Variants in RAD51B observed in about 807,000 individuals in gnomAD.
RAD51B encodes the protein RAD51 paralog B.
Under a neutral mutation model 42.2 loss-of-function variants are expected in RAD51B, and 38 were observed. The ratio of observed to expected loss-of-function variants is 0.90; its 90% CI spans 0.70 to 1.18. The LOEUF is 1.18. Ranked by LOEUF, RAD51B falls within the 50% of genes most tolerant of loss-of-function variation. The pLI, the probability that RAD51B is intolerant of heterozygous loss-of-function variation, is 0.00. For missense variants in RAD51B, 373 were observed against 400.7 expected (o/e 0.93, Z 0.59); for synonymous variants, 154 against 145.2 (o/e 1.06, Z -0.43).
chr14:68,562,615 G>T (rs1889212191), intron 10 of RAD51B: 1 of 985,312 alleles, frequency 1.0e-6, no homozygotes, highest in South Asian at 4.7e-5. Context: ...ATTATTGTTA[G>T]TTCTCTGTTC....
chr14:68,158,292 C>T (rs1410081104), intron 7 of RAD51B, among the ~76,000 whole-genome samples: 1 of 152,184 alleles, frequency 6.6e-6, no homozygotes, highest in Non-Finnish European at 1.5e-5. Flanking sequence ...ATCATCCATG[C>T]CTGTGGCACT....
rs772651147 is a variant in RAD51B at position 67,887,219 on chromosome 14, T to C, written c.756+15T>C. 6.4e-7 allele frequency: 1 copy of C among 1,563,896 alleles called. No individual in the cohort carries two copies. Among genetic ancestry groups the C allele is most frequent in the South Asian group, 1.2e-5 (1 of 86,368 alleles). On this transcript the variant is annotated intron_variant, in intron 7 of 10. Coordinates refer to ENST00000471583, the MANE Select transcript of RAD51B (RefSeq NM_133510.4). ...TTTCAATCCCAGTAAGTTTTTCTTT[T>C]TTTCTCTTTTTTCTTTTCCTTTCTT...
intron 9 of RAD51B, among the ~76,000 whole-genome samples, chr14:68,437,738 G>A (rs749587336): frequency 5.9e-5 from 9 of 152,172 alleles, no homozygotes; most frequent in Non-Finnish European, 1.2e-4. Flanking sequence ...ATAGAGGGAA[G>A]CATACAGGCA....
At chr14:68,584,462 C>T (rs1890359995) in intron 10 of RAD51B, among the ~76,000 whole-genome samples, 1 of 149,668 alleles carries the variant, frequency 6.7e-6, no homozygotes, top group South Asian at 2.1e-4. Flanking sequence ...CTTTGCTTCT[C>T]TCTAACGCTC....
intron 8 of RAD51B, among the ~76,000 whole-genome samples, chr14:68,299,542 A>G (rs2139684753): frequency 6.6e-6 from 1 of 152,310 alleles, no homozygotes; most frequent in East Asian, 1.9e-4. Context: ...ATACAGTGCC[A>G]TTTTATATAA....
chr14:67,930,395 G>A (rs372461519), intron 7 of RAD51B, among the ~76,000 whole-genome samples: 122 of 151,968 alleles, frequency 8.0e-4, no homozygotes, highest in African/African-American at 2.8e-3. Flanking sequence ...TAGTGGTGAT[G>A]AATTTCATCT....
At chr14:67,942,852 TGTC>T (rs2045256327) in intron 7 of RAD51B, among the ~76,000 whole-genome samples, 1 of 152,212 alleles carries the variant, frequency 6.6e-6, no homozygotes, top group Non-Finnish European at 1.5e-5. Context: ...TCTTTTTAAA[TGTC>T]AGCAGTAGTA....
chr14:68,670,980 T>C (rs148532787), intron 11 of RAD51B, among the ~76,000 whole-genome samples: 1 of 152,236 alleles, frequency 6.6e-6, no homozygotes, highest in African/African-American at 2.4e-5. Flanking sequence ...GATGACCAGA[T>C]TGCACCCTGA....
At chr14:67,876,212 T>C (rs2042722023) in intron 5 of RAD51B, among the ~76,000 whole-genome samples, 1 of 152,236 alleles carries the variant, frequency 6.6e-6, no homozygotes, top group African/African-American at 2.4e-5. Flanking sequence ...AACAGAGATA[T>C]AGTACGTATG....
intron 8 of RAD51B, among the ~76,000 whole-genome samples, chr14:68,377,576 C>A (rs1326246324): frequency 1.3e-5 from 2 of 152,226 alleles, no homozygotes; most frequent in African/African-American, 4.8e-5. Context: ...ATCAGCCACA[C>A]CCACATCACT....
At chr14:68,580,990 GT>G (rs565993944) in intron 10 of RAD51B, among the ~76,000 whole-genome samples, 36 of 152,218 alleles carry the variant, frequency 2.4e-4, no homozygotes, top group Admixed American at 6.5e-4. Flanking sequence ...GTGAGATTCA[GT>G]TTTTTTCATA....
intron 7 of RAD51B, among the ~76,000 whole-genome samples, chr14:68,222,018 T>A (rs545198419): frequency 1.3e-5 from 2 of 152,092 alleles, no homozygotes; most frequent in African/African-American, 4.8e-5. Flanking sequence ...AGAATGGCCA[T>A]AATCAAAACA....
At chr14:68,557,543 A>G (rs2140009855) in intron 10 of RAD51B, among the ~76,000 whole-genome samples, 1 of 152,366 alleles carries the variant, frequency 6.6e-6, no homozygotes, top group Middle Eastern at 3.4e-3. Context: ...CCTTTAATCC[A>G]CATAGACTTA....
intron 7 of RAD51B, among the ~76,000 whole-genome samples, chr14:68,039,748 A>G (rs1324133962): frequency 6.6e-6 from 1 of 152,194 alleles, no homozygotes; most frequent in Admixed American, 6.5e-5. Context: ...AAACTGTACT[A>G]CTCATAATAT....
At chr14:68,134,258 G>C (rs1798178312) in intron 7 of RAD51B, among the ~76,000 whole-genome samples, 1 of 152,092 alleles carries the variant, frequency 6.6e-6, no homozygotes, top group African/African-American at 2.4e-5. Context: ...GTTCATCCAA[G>C]TGGTTATGTG....
At chr14:67,997,799 T>G (rs535032123) in intron 7 of RAD51B, among the ~76,000 whole-genome samples, 17 of 152,314 alleles carry the variant, frequency 1.1e-4, no homozygotes, top group African/African-American at 4.1e-4. Flanking sequence ...TTATTTGTCT[T>G]TTTTCTTTCT....
At chr14:68,243,330 A>G (rs118177593) in intron 7 of RAD51B, among the ~76,000 whole-genome samples, 137 of 152,158 alleles carry the variant, frequency 9.0e-4, no homozygotes, top group Non-Finnish European at 1.7e-3. Flanking sequence ...CCTATTGTAA[A>G]CTTTTTTATA....
downstream of RAD51B, among the ~76,000 whole-genome samples, chr14:68,598,988 C>T (rs1339628629): frequency 6.6e-6 from 1 of 152,180 alleles, no homozygotes; most frequent in African/African-American, 2.4e-5. Flanking sequence ...CCCAGCAGGG[C>T]AGAGGAAGCT....
intron 7 of RAD51B, among the ~76,000 whole-genome samples, chr14:68,067,884 A>G (rs1343618829): frequency 1.4e-5 from 2 of 140,318 alleles, no homozygotes; most frequent in Non-Finnish European, 3.0e-5. Context: ...GTGAGTCATG[A>G]TCATGCCACT....
Sources: allele counts gnomAD v4.1 joint callset (sites outside exome capture counted in the v4.1 genomes callset), GRCh38; gene constraint gnomAD v4.1.1; transcripts MANE v1.5; gene names NCBI Gene and HGNC (gene_info 2026-07-23, HGNC 2026-07-21).